LIMCH1: variants seen among roughly 807,000 people sequenced by gnomAD.
LIMCH1 encodes LIM and calponin homology domains-containing protein 1.
In LIMCH1, 113 loss-of-function variants were observed where a neutral mutation model predicts 176.5. That is an observed-to-expected ratio of 0.64 (90% CI 0.55 to 0.75). LIMCH1 has a LOEUF of 0.75. LIMCH1 is among the 30% of genes least tolerant of loss of function. The probability of loss-of-function intolerance (pLI) is 0.00; values close to 1 mark genes in which losing one functional copy is unlikely to be tolerated. For missense variants in LIMCH1, 1,674 were observed against 1,814.9 expected (o/e 0.92, Z 1.41); for synonymous variants, 619 against 645.9 (o/e 0.96, Z 0.63).
chr4:41,553,706 G>T (rs1371688621), intron 1 of LIMCH1, among the ~76,000 whole-genome samples: 1 of 152,150 alleles, frequency 6.6e-6, no homozygotes, highest in Non-Finnish European at 1.5e-5. Context: ...TGGTGTCAGT[G>T]GATCAGACTT....
At position 41,431,296 on chromosome 4, in the gene LIMCH1, A is replaced by G. The variant is rs997850875; in HGVS notation, c.97-63240A>G. 3.3e-5 allele frequency among the ~76,000 whole-genome samples: 5 copies of G among 152,354 alleles called. No homozygotes were observed. The East Asian group carries it at 9.6e-4, about 29-fold the overall frequency. On this transcript the variant is annotated intron_variant, in intron 1 of 26. Coordinates refer to the LIMCH1 transcript ENST00000313860. ...AAGAGCAGATTTTGAGGATCTATAG[A>G]CATAGAGTTGGAATCTTGGCCAGCC...
chr4:41,586,325 G>A (rs187316555), intron 1 of LIMCH1, among the ~76,000 whole-genome samples: 2 of 151,922 alleles, frequency 1.3e-5, no homozygotes, highest in African/African-American at 4.8e-5. Flanking sequence ...GCCTGCACTG[G>A]TCTGAAACCC....
At chr4:41,481,858 T>G (rs372828087) in intron 1 of LIMCH1, among the ~76,000 whole-genome samples, 51 of 151,850 alleles carry the variant, frequency 3.4e-4, no homozygotes, top group African/African-American at 1.1e-3. Flanking sequence ...TGTTTTTTTT[T>G]TTTTTCTTTT....
intron 1 of LIMCH1, among the ~76,000 whole-genome samples, chr4:41,575,312 C>T (rs1365506661): frequency 2.0e-5 from 3 of 152,218 alleles, no homozygotes; most frequent in Non-Finnish European, 4.4e-5. Context: ...GGGTAAATAT[C>T]TGCCTCACCG....
In LIMCH1 at chr4:41,374,119, C is replaced by T. The variant is rs535421133; in HGVS notation, c.96+13183C>T. On this transcript the variant is annotated intron_variant, in intron 1 of 26. Transcript: ENST00000313860. ...GTAGTTCTATATAGCAGTGTGAGAA[C>T]AGACTAATACAGGGTGCAAATGCAG... Among the ~76,000 whole-genome samples, 9 of 152,116 alleles carry T rather than the reference C, an allele frequency of 5.9e-5. No individual in the cohort carries two copies. In the South Asian group the frequency reaches 1.9e-3, roughly 32 times the overall value.
At chr4:41,624,423 C>T (rs564044884) in intron 7 of LIMCH1, among the ~76,000 whole-genome samples, 94 of 152,120 alleles carry the variant, frequency 6.2e-4, no homozygotes, top group African/African-American at 2.1e-3. Context: ...TACCAAACGC[C>T]GGTTCACCGT....
intron 1 of LIMCH1, among the ~76,000 whole-genome samples, chr4:41,589,900 T>G (rs961861091): frequency 6.6e-6 from 1 of 152,120 alleles, no homozygotes; most frequent in African/African-American, 2.4e-5. Flanking sequence ...TTTATTTCCC[T>G]TCCTCACAGA....
chr4:41,606,161 CT>C (rs1295309692), intron 4 of LIMCH1, among the ~76,000 whole-genome samples, 157 bp downstream of exon 4: 1 of 152,226 alleles, frequency 6.6e-6, no homozygotes, highest in African/African-American at 2.4e-5. Flanking sequence ...CCAATGACAT[CT>C]TTGCCTCATG....
chr4:41,363,685 T>A (rs929268934), intron 1 of LIMCH1, among the ~76,000 whole-genome samples: 4 of 152,188 alleles, frequency 2.6e-5, no homozygotes, highest in Admixed American at 6.5e-5. Context: ...AAATGTGGCC[T>A]GGGAACGATT....
chr4:41,565,123 A>C (rs1325735787), intron 1 of LIMCH1, among the ~76,000 whole-genome samples: 2 of 152,172 alleles, frequency 1.3e-5, no homozygotes, highest in Admixed American at 1.3e-4. Flanking sequence ...TCCTCAAATT[A>C]GACCTTGGTA....
At chr4:41,682,189 T>G in intron 25 of LIMCH1, 144 bp from the exon 26 acceptor site, 1 of 528,440 alleles carries the variant, frequency 1.9e-6, no homozygotes, top group Non-Finnish European at 3.3e-6. Context: ...TGGAAATCAG[T>G]TGCTATTCAG....
At chr4:41,360,002 GGTGTGTGTGGGTAGGGTGTGTAGGGTGT>G (rs1561112672), upstream of LIMCH1, among the ~76,000 whole-genome samples, 1 of 150,298 alleles carries the variant, frequency 6.7e-6, no homozygotes, top group East Asian at 2.0e-4. This position sits in a 1 kb window ranked among gnomAD's most constrained non-coding sequence, Gnocchi z 4.5. Flanking sequence ...TTCCAGGTAG[GGTGTGTGTGGGTAGGGTGTGTAGGGTGT>G]GTGTGTGTGT....
Position 41,567,611 on chromosome 4 carries a change from G to A in LIMCH1, c.-241+29261G>A, listed in dbSNP as rs537250774. On this transcript the variant is annotated intron_variant, in intron 1 of 31. Coordinates refer to ENST00000503057, the MANE Select transcript of LIMCH1 (RefSeq NM_001330672.2). ...TCTCCTTTATTCCCTAGGAAAACCTGGTAGGTAAGTGTTACTGCATTTTAT... is the reference window on the plus strand; with the variant it reads ...TCTCCTTTATTCCCTAGGAAAACCTAGTAGGTAAGTGTTACTGCATTTTAT... Among the ~76,000 whole-genome samples the A allele has an allele frequency of 2.6e-5, 4 of 152,256 alleles. No individual in the cohort carries two copies. In the South Asian group the frequency reaches 6.2e-4, roughly 24 times the overall value.
chr4:41,681,111 GT>G, intron 25 of LIMCH1, 52 bp downstream of exon 25: 1 of 1,133,542 alleles, frequency 8.8e-7, no homozygotes, highest in Non-Finnish European at 1.3e-6. Flanking sequence ...CTAAATGGAA[GT>G]ACCAAACCCC....
At chr4:41,400,262 A>T (rs1348331315) in intron 1 of LIMCH1, among the ~76,000 whole-genome samples, 1 of 152,166 alleles carries the variant, frequency 6.6e-6, no homozygotes, top group Non-Finnish European at 1.5e-5. Context: ...GATTATAGAG[A>T]AAAAAATGGA....
chr4:41,562,055 C>T (rs182853534), intron 1 of LIMCH1, among the ~76,000 whole-genome samples: 12 of 152,206 alleles, frequency 7.9e-5, no homozygotes, highest in Non-Finnish European at 1.5e-4. Flanking sequence ...GCCTCTGTTA[C>T]GAGCCTCTGA....
At position 41,366,699 on chromosome 4, in the gene LIMCH1, C is replaced by T. The variant is rs148790561; in HGVS notation, c.96+5763C>T. Among the ~76,000 whole-genome samples the T allele has an allele frequency of 4.1e-3, 628 of 152,322 alleles. 6 individuals are homozygous for T. Among genetic ancestry groups the T allele is most frequent in the Non-Finnish European group, 7.0e-3 (473 of 68,024 alleles). On this transcript the variant is annotated intron_variant, in intron 1 of 26. Coordinates refer to the LIMCH1 transcript ENST00000313860. ...AAATGATAGAATATTGGAAAGACTT[C>T]TGTCTGGACATAAGATGTTATATTT...
intron 1 of LIMCH1, among the ~76,000 whole-genome samples, chr4:41,407,798 T>TACTTGGAACATGTGAGGCCAACTAG (rs2059121452): frequency 2.0e-5 from 3 of 152,312 alleles, no homozygotes; most frequent in South Asian, 4.1e-4. Context: ...TAGACTTGAA[T>TACTTGGAACATGTGAGGCCAACTAG]ACTTGGAACA....
At chr4:41,547,912 T>A (rs1472995737) in intron 1 of LIMCH1, among the ~76,000 whole-genome samples, 9 of 131,494 alleles carry the variant, frequency 6.8e-5, no homozygotes, top group African/African-American at 1.9e-4. Context: ...GTGAGTACAT[T>A]ACCTAGTGCA....
Sources: gnomAD v4.1 joint callset for allele counts (sites outside exome capture counted in the v4.1 genomes callset) on GRCh38, gnomAD v4.1.1 for gene constraint, Gnocchi (gnomAD v3.1) non-coding constraint, MANE v1.5 for transcripts, NCBI Gene and HGNC (gene_info 2026-07-23, HGNC 2026-07-21) for gene names.